PLCG2: variants seen among roughly 807,000 people sequenced by gnomAD.
PLCG2 encodes 1-phosphatidylinositol 4,5-bisphosphate phosphodiesterase gamma-2.
In PLCG2, 69 loss-of-function variants were observed where a neutral mutation model predicts 175.6. The ratio of observed to expected loss-of-function variants is 0.39; its 90% CI spans 0.32 to 0.48. The LOEUF (loss-of-function observed/expected upper bound fraction) is 0.48, where lower values mean the gene tolerates loss of function less well. Ranked by LOEUF, PLCG2 falls within the 20% of genes least tolerant of loss-of-function variation. The probability of loss-of-function intolerance (pLI) is 0.91; values close to 1 mark genes in which losing one functional copy is unlikely to be tolerated. For synonymous variants in PLCG2, 827 were observed against 624.0 expected (o/e 1.33, Z -4.85); for missense variants, 1,798 against 1,650.9 (o/e 1.09, Z -1.54).
chr16:81,916,590 TGTG>T (rs372264710), intron 19 of PLCG2, among the ~76,000 whole-genome samples: 71 of 151,148 alleles, frequency 4.7e-4, no homozygotes, highest in East Asian at 2.3e-3. Context: ...ATTTTTTTTT[TGTG>T]TGTGGTGAGA....
At chr16:81,811,488 T>A (rs372144349) in intron 2 of PLCG2, among the ~76,000 whole-genome samples, 1 of 152,128 alleles carries the variant, frequency 6.6e-6, no homozygotes, top group East Asian at 1.9e-4. Context: ...TTTCTTTTTT[T>A]AGGTATTTCT....
chr16:81,860,172 A>ATTATTATTTTTT (rs763047744), intron 5 of PLCG2, among the ~76,000 whole-genome samples: 1 of 120,614 alleles, frequency 8.3e-6, no homozygotes, highest in Non-Finnish European at 1.7e-5. Context: ...TATTATTATT[A>ATTATTATTTTTT]TTTTTTTTTT....
At chr16:81,905,337 C>CT in intron 14 of PLCG2, 66 bp from the exon 15 acceptor site, 1 of 1,072,590 alleles carries the variant, frequency 9.3e-7, no homozygotes, top group Non-Finnish European at 1.4e-6. Context: ...CAGATGAAGG[C>CT]TGCTGGCTCA....
chr16:81,752,199 G>T (rs1909826219), intron 1 of PLCG2, among the ~76,000 whole-genome samples: 1 of 152,116 alleles, frequency 6.6e-6, no homozygotes, highest in Non-Finnish European at 1.5e-5. Context: ...CTGCGTCTCA[G>T]AGTTCCCTGA....
At chr16:81,855,269 T>A (rs7192266) in intron 3 of PLCG2, among the ~76,000 whole-genome samples, 2 of 151,732 alleles carry the variant, frequency 1.3e-5, no homozygotes, top group African/African-American at 4.8e-5. Flanking sequence ...GCAAATCTGA[T>A]TGATCTGAAG....
Position 81,880,962 on chromosome 16 carries a change from G to A in PLCG2, c.692+9G>A. 1.2e-6 allele frequency: 2 copies of A among 1,613,992 alleles called. No homozygotes were observed. The highest frequency in any genetic ancestry group is 1.7e-6 in the Non-Finnish European group (2 of 1,179,830). On this transcript the variant is annotated intron_variant, in intron 8 of 32. Transcript: ENST00000564138. ...TCCGTGTTCATCCTGGGGTGAGGCA[G>A]CTCTTGTGTGTCGTTCGGGGCGGCT...
At chr16:81,887,701 C>T (rs4410069) in intron 9 of PLCG2, among the ~76,000 whole-genome samples, 3 of 152,000 alleles carry the variant, frequency 2.0e-5, no homozygotes, top group African/African-American at 4.8e-5. Context: ...CACATCTGGT[C>T]GCATATTTGC....
intron 2 of PLCG2, among the ~76,000 whole-genome samples, chr16:81,770,164 G>C (rs1024252279): frequency 1.1e-4 from 17 of 151,768 alleles, no homozygotes; most frequent in African/African-American, 4.1e-4. Flanking sequence ...CAGTTCACTG[G>C]ATCTTCACAC....
At chr16:81,774,770 A>T (rs1910363768), upstream of PLCG2, among the ~76,000 whole-genome samples, 3 of 148,194 alleles carry the variant, frequency 2.0e-5, no homozygotes, top group South Asian at 2.1e-4. Context: ...TCAGGGTCTT[A>T]CTCTGTTGCC....
chr16:81,897,851 G>T, intron 13 of PLCG2: 1 of 455,856 alleles, frequency 2.2e-6, no homozygotes, highest in South Asian at 1.5e-5. Flanking sequence ...AACCCGATTG[G>T]TTATTTTTAT....
intron 2 of PLCG2, among the ~76,000 whole-genome samples, chr16:81,811,348 A>G (rs974783586): frequency 3.3e-5 from 5 of 152,144 alleles, no homozygotes; most frequent in South Asian, 2.1e-4. Flanking sequence ...AGTATCATCG[A>G]TAAGGGATGG....
At chr16:81,743,170 G>A (rs1909631620) in intron 1 of PLCG2, among the ~76,000 whole-genome samples, 1 of 152,098 alleles carries the variant, frequency 6.6e-6, no homozygotes, top group African/African-American at 2.4e-5. Flanking sequence ...GGAAAGGAAA[G>A]AAGGAAGGAA....
At chr16:81,835,777 C>T (rs9923149) in intron 2 of PLCG2, among the ~76,000 whole-genome samples, 2,364 of 152,222 alleles carry the variant, frequency 0.016, 52 homozygotes, top group African/African-American at 0.054. Context: ...TAGGGCAGTG[C>T]TCCCGCTGGA....
At chr16:81,918,207 A>G (rs918664829) in intron 19 of PLCG2, among the ~76,000 whole-genome samples, 4 of 152,198 alleles carry the variant, frequency 2.6e-5, no homozygotes, top group Admixed American at 6.5e-5. Flanking sequence ...GTTTGATAAA[A>G]TCCCATTTAT....
intron 1 of PLCG2, among the ~76,000 whole-genome samples, chr16:81,748,403 TAA>T (rs548067252): frequency 7.2e-6 from 1 of 139,376 alleles, no homozygotes; most frequent in African/African-American, 2.6e-5. Context: ...CTTAAAAAAT[TAA>T]AAAAAAAAAA....
At chr16:81,933,053 A>C (rs1309972986) in intron 25 of PLCG2, among the ~76,000 whole-genome samples, 8 of 152,172 alleles carry the variant, frequency 5.3e-5, no homozygotes, top group Non-Finnish European at 1.5e-5. Flanking sequence ...ATTTCCCTAG[A>C]AGGCTCTGTC....
At chr16:81,876,401 G>C (rs548028697) in intron 7 of PLCG2, among the ~76,000 whole-genome samples, 2 of 152,076 alleles carry the variant, frequency 1.3e-5, no homozygotes, top group African/African-American at 2.4e-5. Flanking sequence ...CACTGAGTGC[G>C]TAAGACCAGC....
intron 31 of PLCG2, among the ~76,000 whole-genome samples, chr16:81,946,759 T>C (rs1911166196): frequency 2.0e-5 from 3 of 152,194 alleles, no homozygotes; most frequent in Non-Finnish European, 4.4e-5. Context: ...TTTTTCCTCC[T>C]TTACGCCAGA....
At chr16:81,890,030 A>G (rs999181888) in intron 10 of PLCG2, among the ~76,000 whole-genome samples, 1 of 152,060 alleles carries the variant, frequency 6.6e-6, no homozygotes, top group Non-Finnish European at 1.5e-5. Context: ...AGATGCAATC[A>G]TATGGTTGTG....
Sources: allele counts gnomAD v4.1 joint callset (sites outside exome capture counted in the v4.1 genomes callset), GRCh38; gene constraint gnomAD v4.1.1; transcripts MANE v1.5; gene names NCBI Gene and HGNC (gene_info 2026-07-23, HGNC 2026-07-21).